The following ZNF750 variants were observed in gnomAD, a reference collection of about 807,000 sequenced individuals.
ZNF750 encodes the protein protein ZNF750.
In ZNF750, 10 loss-of-function variants were observed where a neutral mutation model predicts 31.6. The observed-to-expected ratio is 0.32, with a 90% CI of 0.19 to 0.54. The LOEUF is 0.54. ZNF750 is among the 20% of genes least tolerant of loss of function. The pLI is 0.95. For missense variants in ZNF750, 914 were observed against 934.9 expected (o/e 0.98, Z 0.29); for synonymous variants, 400 against 404.9 (o/e 0.99, Z 0.15).
chr17:82,838,607 C>T (rs1180317917), intron 1 of ZNF750: 65 of 979,824 alleles, frequency 6.6e-5, no homozygotes, highest in South Asian at 1.9e-4. Context: ...ACTGTGATGT[C>T]GCAAGAACGA....
Position 82,832,705 on chromosome 17 carries a change from G to T in ZNF750, c.-182-69C>A, listed in dbSNP as rs952330553. 3.7e-6 allele frequency: 2 copies of T among 540,764 alleles called. No homozygotes were observed. The highest frequency in any genetic ancestry group is 6.3e-5 in the Admixed American group (2 of 31,864). 33.5% of individuals were successfully genotyped at this position (540,764 alleles called of 1,614,324 possible). A position where few individuals can be genotyped will look rare whatever the true frequency, so the allele number is the denominator to read the frequency against. On this transcript the variant is annotated intron_variant, in intron 1 of 2. Coordinates refer to ENST00000269394, the MANE Select transcript of ZNF750 (RefSeq NM_024702.3). The surrounding 1 kb of genome is among the most constrained non-coding windows in gnomAD (Gnocchi z 4.9). ...GTCGGCGAGAAGCCGGCCTCGGCTC[G>T]CCACAGTGCCACAGGATCCCTGAAG...
Position 82,831,161 on chromosome 17 carries a change from C to A in ZNF750, c.1294G>T (p.Asp432Tyr). The A allele has an allele frequency of 1.2e-6, 2 of 1,614,114 alleles. No homozygotes were observed. The highest frequency in any genetic ancestry group is 1.7e-6 in the Non-Finnish European group (2 of 1,180,036). Residue 432 changes from aspartate to tyrosine, a missense_variant, in exon 2 of 3, where the codon GAC becomes TAC. Transcript: ENST00000269394. The surrounding 1 kb of genome is among the most constrained non-coding windows in gnomAD (Gnocchi z 4.6). ...QTSQTCEGLY[D>Y]LSNKAASSAL... ...CTGGAGGCTGCCTTGTTGGAGAGGT[C>A]GTACAGGCCTTCGCAGGTCTGGCTC...
Position 82,832,740 on chromosome 17 carries a change from T to C in ZNF750, c.-182-104A>G. 2 of 480,982 alleles carry C rather than the reference T, an allele frequency of 4.2e-6. No individual in the cohort carries two copies. The highest frequency in any genetic ancestry group is 3.8e-6 in the Non-Finnish European group (1 of 263,808). The allele number at this position is 480,982 out of a possible 1,614,324, so 29.8% of individuals were successfully genotyped here. A position where few individuals can be genotyped will look rare whatever the true frequency, so the allele number is the denominator to read the frequency against. On this transcript the variant is annotated intron_variant, in intron 1 of 2. Coordinates refer to ENST00000269394, the MANE Select transcript of ZNF750 (RefSeq NM_024702.3). The surrounding 1 kb of genome is among the most constrained non-coding windows in gnomAD (Gnocchi z 4.9). The stretch of plus-strand genomic sequence containing the variant: ...CACAGGATCCCTGAAGCAGAACCCC[T>C]GAAGGGCTGAAACTGCCTGCTCCTG...
chr17:82,837,309 G>A (rs1345890317), intron 1 of ZNF750, among the ~76,000 whole-genome samples: 1 of 152,178 alleles, frequency 6.6e-6, no homozygotes, highest in Non-Finnish European at 1.5e-5. Flanking sequence ...TAGTCTCTGT[G>A]TGGTCAGTTT....
chr17:82,838,947 C>T (rs1046286684), intron 1 of ZNF750: 25 of 985,198 alleles, frequency 2.5e-5, no homozygotes, highest in Admixed American at 1.8e-4. Context: ...CAGATGTGGA[C>T]GGACTGTGCT....
In ZNF750 at chr17:82,831,124, C is replaced by A. The variant is rs376491772; in HGVS notation, c.1331G>T (p.Arg444Ile). Residue 444 changes from arginine (R) to isoleucine (I), a missense_variant, in exon 2 of 3, where the codon AGA becomes ATA. Physicochemically the swap from Arg to Ile is moderately conservative, Grantham distance 97. Transcript: ENST00000269394. The surrounding 1 kb of genome is among the most constrained non-coding windows in gnomAD (Gnocchi z 4.6). Reference sequence around the variant, plus strand: ...GAGGCTTTGCTCTGGCGGGTAGAGTCTTCCCAGTGCGCTGGAGGCTGCCTT... The same window carrying A: ...GAGGCTTTGCTCTGGCGGGTAGAGTATTCCCAGTGCGCTGGAGGCTGCCTT... ...SNKAASSALG[R>I]LYPPEQSLTA... The A allele has an allele frequency of 6.2e-7, 1 of 1,614,170 alleles. No homozygotes were observed. Among genetic ancestry groups the A allele is most frequent in the Admixed American group, 1.7e-5 (1 of 60,024 alleles).
chr17:82,839,268 T>C (rs1455748463), intron 1 of ZNF750, among the ~76,000 whole-genome samples: 1 of 152,174 alleles, frequency 6.6e-6, no homozygotes, highest in Non-Finnish European at 1.5e-5. Context: ...ACCACACATA[T>C]ATATAACCCT....
rs372580838 is a variant in ZNF750, at chr17:82,831,594, G to C, written c.861C>G (p.His287Gln). 2 of 1,614,108 alleles carry C rather than the reference G, an allele frequency of 1.2e-6. No individual in the cohort carries two copies. Among genetic ancestry groups the C allele is most frequent in the Non-Finnish European group, 1.7e-6 (2 of 1,180,040 alleles). The change falls in exon 2 of 3, where the codon CAC becomes CAG. Residue 287 changes from histidine to glutamine, a missense_variant. Around this residue, in one of 2 missense-constraint regions of ZNF750, gnomAD observed 880 missense variants for 868.9 expected, o/e 1.01. Transcript: ENST00000269394. The surrounding 1 kb of genome is among the most constrained non-coding windows in gnomAD (Gnocchi z 4.6). ...GTQDPRHFLP[H>Q]PGPIPKHLAP... ...CCAGGTGCTTAGGGATCGGCCCCGG[G>C]TGAGGCAGGAAGTGTCTCGGGTCTT...
At chr17:82,834,014 A>G (rs546591793) in intron 1 of ZNF750, among the ~76,000 whole-genome samples, 2 of 151,532 alleles carry the variant, frequency 1.3e-5, no homozygotes, top group Non-Finnish European at 2.9e-5. Context: ...GCGCAATCTC[A>G]GCTCACTGCA....
In ZNF750 at chr17:82,832,067, G is replaced by C. The variant is rs1271075000; in HGVS notation, c.388C>G (p.Pro130Ala). 6.2e-7 allele frequency: 1 copy of C among 1,614,016 alleles called. No individual in the cohort carries two copies. The highest frequency in any genetic ancestry group is 8.5e-7 in the Non-Finnish European group (1 of 1,179,878). Reference protein sequence around the residue: ...RGTHRCLGQKPALHRASPCKS... With the variant: ...RGTHRCLGQKAALHRASPCKS... ...CAGGGTGATGCCCTGTGGAGGGCTGGCTTCTGTCCCAGGCACCTGTGGGTT... is the reference window on the plus strand; with the variant it reads ...CAGGGTGATGCCCTGTGGAGGGCTGCCTTCTGTCCCAGGCACCTGTGGGTT... The change falls in exon 2 of 3, where the codon CCA becomes GCA. Residue 130 changes from proline to alanine, a missense_variant. By Grantham distance (27) the Pro-to-Ala change is conservative. Coordinates refer to ENST00000269394, the MANE Select transcript of ZNF750 (RefSeq NM_024702.3). The surrounding 1 kb of genome is among the most constrained non-coding windows in gnomAD (Gnocchi z 4.9).
Position 82,831,178 on chromosome 17 carries a change from G to A in ZNF750, c.1277C>T (p.Thr426Ile), listed in dbSNP as rs760520552. 6.2e-7 allele frequency: 1 copy of A among 1,614,168 alleles called. No individual in the cohort carries two copies. Among genetic ancestry groups the A allele is most frequent in the Non-Finnish European group, 8.5e-7 (1 of 1,180,042 alleles). Residue 426 changes from threonine to isoleucine, a missense_variant, in exon 2 of 3, where the codon ACC becomes ATC. Thr to Ile is a moderately conservative substitution (Grantham distance 89). This residue lies in a region of ZNF750 where 880 missense variants were observed against 868.9 expected (regional missense o/e 1.01). Coordinates refer to ENST00000269394, the MANE Select transcript of ZNF750 (RefSeq NM_024702.3). The surrounding 1 kb of genome is among the most constrained non-coding windows in gnomAD (Gnocchi z 4.6). ...GGAGAGGTCGTACAGGCCTTCGCAGGTCTGGCTCGTCTGCATGAAGTCGGT... is the reference window on the plus strand; with the variant it reads ...GGAGAGGTCGTACAGGCCTTCGCAGATCTGGCTCGTCTGCATGAAGTCGGT... ...SPTDFMQTSQ[T>I]CEGLYDLSNK...
Position 82,832,280 on chromosome 17 carries a change from G to T in ZNF750, c.175C>A (p.Gln59Lys), listed in dbSNP as rs373307151. 1.9e-6 allele frequency: 3 copies of T among 1,614,086 alleles called. No individual in the cohort carries two copies. The African/African-American group carries it at 4.0e-5, about 22-fold the overall frequency. ...CKNSITLVSEQDRVPKCPKSN... is the reference protein window; with the variant it reads ...CKNSITLVSEKDRVPKCPKSN... ...TTAGGGCACTTGGGAACTCGATCCTGCTCTGATACTAAAGTAATCGAGTTT... is the reference window on the plus strand; with the variant it reads ...TTAGGGCACTTGGGAACTCGATCCTTCTCTGATACTAAAGTAATCGAGTTT... The change falls in exon 2 of 3, where the codon CAG becomes AAG. Residue 59 changes from glutamine (Q) to lysine (K), a missense_variant. By Grantham distance (53) the Gln-to-Lys change is moderately conservative (BLOSUM62 1). Around this residue, in one of 2 missense-constraint regions of ZNF750, gnomAD observed 880 missense variants for 868.9 expected, o/e 1.01. Transcript: ENST00000269394. The surrounding 1 kb of genome is among the most constrained non-coding windows in gnomAD (Gnocchi z 4.9).
chr17:82,837,056 T>C (rs1454251516), intron 1 of ZNF750, among the ~76,000 whole-genome samples: 1 of 152,184 alleles, frequency 6.6e-6, no homozygotes, highest in African/African-American at 2.4e-5. Context: ...ATTTGCTAAT[T>C]AAAACAGGGA....
rs762586303 is a variant in ZNF750, at chr17:82,830,883, A to G, written c.1437-6T>C. 5 of 1,612,786 alleles carry G rather than the reference A, an allele frequency of 3.1e-6. No homozygotes were observed. The highest frequency in any genetic ancestry group is 4.2e-6 in the Non-Finnish European group (5 of 1,180,032). ...CTCCGTTCACAACATTGAGGCTAGA[A>G]GAAGCCAAGAAAAAGCTTAGTAGGA... is the stretch of plus-strand genomic sequence containing the variant. On this transcript the variant is annotated splice_polypyrimidine_tract_variant and splice_region_variant and intron_variant, in intron 2 of 2. Coordinates refer to ENST00000269394, the MANE Select transcript of ZNF750 (RefSeq NM_024702.3).
chr17:82,830,377 G>T lies in ZNF750; in HGVS notation c.1937C>A (p.Pro646His). 5 of 1,612,842 alleles carry T rather than the reference G, an allele frequency of 3.1e-6. No homozygotes were observed. In the African/African-American group the frequency reaches 6.7e-5, roughly 21 times the overall value. ...VALCQLAAYS[P>H]RNIRVGDGDA... ...CCCATCGCCCACCCGGATGTTCCTG[G>T]GGCTGTAGGCCGCCAGCTGGCACAG... The change falls in exon 3 of 3, where the codon CCC becomes CAC. Residue 646 changes from proline (P) to histidine (H), a missense_variant. Pro to His is a moderately conservative substitution (Grantham distance 77). Transcript: ENST00000269394.
In ZNF750 at chr17:82,832,289, C is replaced by G. The variant is rs2053589878; in HGVS notation, c.166G>C (p.Val56Leu). 1 of 1,614,094 alleles carries G rather than the reference C, an allele frequency of 6.2e-7. No individual in the cohort carries two copies. The highest frequency in any genetic ancestry group is 1.1e-5 in the South Asian group (1 of 91,092). ...YGLCKNSITL[V>L]SEQDRVPKCP... is the part of the protein sequence containing the mutation. Reference sequence around the variant, plus strand: ...TTGGGAACTCGATCCTGCTCTGATACTAAAGTAATCGAGTTTTTACAAAGA... The same window carrying G: ...TTGGGAACTCGATCCTGCTCTGATAGTAAAGTAATCGAGTTTTTACAAAGA... The change falls in exon 2 of 3, where the codon GTA (valine) becomes CTA (leucine). Residue 56 changes from valine (V) to leucine (L), a missense_variant. Coordinates refer to ENST00000269394, the MANE Select transcript of ZNF750 (RefSeq NM_024702.3). The surrounding 1 kb of genome is among the most constrained non-coding windows in gnomAD (Gnocchi z 4.9).
Position 82,832,917 on chromosome 17 carries a change from T to A in ZNF750, c.-182-281A>T, listed in dbSNP as rs2053646227. ...AGTGTGGTGTGTGGTGCGTTGAGTGTCTGTTCTGAGAATGCCTGTAAGCCT... is the reference window on the plus strand; with the variant it reads ...AGTGTGGTGTGTGGTGCGTTGAGTGACTGTTCTGAGAATGCCTGTAAGCCT... On this transcript the variant is annotated intron_variant, in intron 1 of 2. Coordinates refer to ENST00000269394, the MANE Select transcript of ZNF750 (RefSeq NM_024702.3). The surrounding 1 kb of genome is among the most constrained non-coding windows in gnomAD (Gnocchi z 4.9). 6.6e-6 allele frequency among the ~76,000 whole-genome samples: 1 copy of A among 152,164 alleles called. No homozygotes were observed. Among genetic ancestry groups the A allele is most frequent in the African/African-American group, 2.4e-5 (1 of 41,422 alleles).
chr17:82,837,713 C>T (rs185945982), intron 1 of ZNF750, among the ~76,000 whole-genome samples: 148 of 152,318 alleles, frequency 9.7e-4, no homozygotes, highest in Middle Eastern at 6.8e-3. Context: ...GTGGACATGC[C>T]ACAGAGCTTC....
chr17:82,835,162 G>T lies in ZNF750; in HGVS notation c.-182-2526C>A, dbSNP rs1052758550. Among the ~76,000 whole-genome samples, 1 of 152,170 alleles carries T rather than the reference G, an allele frequency of 6.6e-6. No individual in the cohort carries two copies. The highest frequency in any genetic ancestry group is 2.4e-5 in the African/African-American group (1 of 41,454). ...ATGTGCCCATTCTTGAGTCTGTGAG[G>T]TTTTATGTGTAGACATCAGGGTGGC... is the stretch of plus-strand genomic sequence containing the variant. On this transcript the variant is annotated intron_variant, in intron 1 of 2. Transcript: ENST00000269394. The surrounding 1 kb of genome is among the most constrained non-coding windows in gnomAD (Gnocchi z 4.5).
Sources: gnomAD v4.1 joint callset for allele counts (sites outside exome capture counted in the v4.1 genomes callset) on GRCh38, gnomAD v4.1.1 for gene constraint, gnomAD v4.1.1 regional missense constraint, Gnocchi (gnomAD v3.1) non-coding constraint, MANE v1.5 for transcripts, NCBI Gene and HGNC (gene_info 2026-07-23, HGNC 2026-07-21) for gene names.